Variants in CPS1 observed in about 807,000 individuals in gnomAD.
CPS1 encodes carbamoyl-phosphate synthase 1, also known as carbamoyl-phosphate synthase [ammonia], mitochondrial.
A neutral mutation model predicts 174.6 loss-of-function variants in CPS1; 109 were observed. That is an observed-to-expected ratio of 0.62 (90% CI 0.53 to 0.73). The LOEUF (loss-of-function observed/expected upper bound fraction) is 0.73. CPS1 is among the 30% of genes least tolerant of loss of function. CPS1 has a pLI of 0.00. For missense variants in CPS1, 1,689 were observed against 1,821.9 expected, an observed-to-expected ratio of 0.93 and a Z score of 1.33; for synonymous variants, 637 against 632.0, an observed-to-expected ratio of 1.01 and a Z score of -0.12.
At chr2:210,596,114 A>AT (rs1215175749) in intron 13 of CPS1, among the ~76,000 whole-genome samples, 1 of 151,932 alleles carries the variant, frequency 6.6e-6, no homozygotes, top group East Asian at 1.9e-4. Flanking sequence ...ACGGGATGAT[A>AT]TGGCAACATT....
intron 1 of CPS1, among the ~76,000 whole-genome samples, chr2:210,501,791 G>A (rs1187097170): frequency 6.6e-6 from 1 of 152,072 alleles, no homozygotes; most frequent in African/African-American, 2.4e-5. Flanking sequence ...CCTCCAAACT[G>A]TTCCAACCTC....
At chr2:210,575,117 G>A (rs1208333135) in intron 2 of CPS1, among the ~76,000 whole-genome samples, 2 of 152,046 alleles carry the variant, frequency 1.3e-5, no homozygotes. Context: ...TGGAAGCTGC[G>A]GAAAAACACC....
chr2:210,591,759 T>C (rs1415070909), intron 9 of CPS1, 72 bp from the exon 10 acceptor site: 57 of 1,532,798 alleles, frequency 3.7e-5, no homozygotes, highest in Non-Finnish European at 4.8e-5. Context: ...GTTCACTACT[T>C]TATAAGGAAT....
At chr2:210,595,363 A>T in intron 12 of CPS1, 124 bp from the exon 13 acceptor site, 1 of 726,316 alleles carries the variant, frequency 1.4e-6, no homozygotes. Flanking sequence ...CATATTTTTC[A>T]TTACATTAGA....
intron 1 of CPS1, among the ~76,000 whole-genome samples, chr2:210,533,796 G>T (rs548718641): frequency 5.3e-5 from 8 of 152,270 alleles, no homozygotes; most frequent in African/African-American, 1.7e-4. Flanking sequence ...GAACCTGAGG[G>T]ATCATGCACC....
chr2:210,600,592 T>C lies in CPS1; in HGVS notation c.1587T>C (p.Tyr529=), dbSNP rs369658447. ...TCAAGAGAGGTGTGCTCAAGGAATA[T>C]GGTGTGAAAGTCCTGGGAACTTCAG... ...ELFKRGVLKE[Y]GVKVLGTSVE... is the part of the protein sequence containing the mutation. The change falls in exon 15 of 38, where the codon TAT becomes TAC. Residue 529 remains tyrosine, a synonymous_variant. Transcript: ENST00000233072. 1.9e-6 allele frequency: 3 copies of C among 1,612,170 alleles called. No individual in the cohort carries two copies. Among genetic ancestry groups the C allele is most frequent in the African/African-American group, 2.7e-5 (2 of 74,766 alleles).
intron 21 of CPS1, among the ~76,000 whole-genome samples, chr2:210,623,775 C>T (rs1426712723): frequency 6.6e-6 from 1 of 152,122 alleles, no homozygotes; most frequent in Non-Finnish European, 1.5e-5. Context: ...CTTTGAATGT[C>T]CTCTCCTACA....
At chr2:210,546,063 A>G (rs1291593426) in intron 1 of CPS1, among the ~76,000 whole-genome samples, 2 of 152,098 alleles carry the variant, frequency 1.3e-5, no homozygotes, top group Non-Finnish European at 2.9e-5. Context: ...TCTTGAGAGT[A>G]GAAAATACAC....
chr2:210,667,849 A>G (rs979927308), intron 33 of CPS1, among the ~76,000 whole-genome samples: 2 of 152,220 alleles, frequency 1.3e-5, no homozygotes, highest in Non-Finnish European at 2.9e-5. Context: ...AGAAGCTGTG[A>G]TTTGTATCCA....
At chr2:210,664,243 C>A (rs1434106017) in intron 33 of CPS1, among the ~76,000 whole-genome samples, 1 of 152,106 alleles carries the variant, frequency 6.6e-6, no homozygotes, top group African/African-American at 2.4e-5. Flanking sequence ...CTTCTTGATC[C>A]CATGGTCGCT....
chr2:210,555,769 A>C (rs1201878721), upstream of CPS1: 4 of 425,428 alleles, frequency 9.4e-6, no homozygotes, highest in Non-Finnish European at 1.9e-5. Context: ...TCTGCCAGCC[A>C]GTGAGGCCCC....
chr2:210,536,258 C>T (rs1384613232), intron 1 of CPS1, among the ~76,000 whole-genome samples: 1 of 151,390 alleles, frequency 6.6e-6, no homozygotes, highest in Admixed American at 6.6e-5. Flanking sequence ...TACTAATAAC[C>T]TCAATTTTTT....
intron 6 of CPS1, among the ~76,000 whole-genome samples, chr2:210,586,816 C>T (rs936744345): frequency 3.9e-5 from 6 of 152,004 alleles, no homozygotes; most frequent in South Asian, 4.1e-4. Flanking sequence ...TGATAAAATG[C>T]GTATTTGTAT....
intron 27 of CPS1, among the ~76,000 whole-genome samples, chr2:210,648,822 G>A (rs1700467452): frequency 6.6e-6 from 1 of 152,114 alleles, no homozygotes; most frequent in Non-Finnish European, 1.5e-5. Flanking sequence ...TAAAGAACAG[G>A]ACAATTTAAA....
intron 32 of CPS1, among the ~76,000 whole-genome samples, chr2:210,661,896 A>T (rs1700933991): frequency 6.7e-6 from 1 of 148,528 alleles, no homozygotes; most frequent in African/African-American, 2.5e-5. Context: ...ATTGATGGAT[A>T]GATATGCTTT....
intron 34 of CPS1, among the ~76,000 whole-genome samples, chr2:210,671,155 G>C (rs1701287857): frequency 6.6e-6 from 1 of 152,160 alleles, no homozygotes; most frequent in Non-Finnish European, 1.5e-5. Context: ...CTCTAGAGTA[G>C]ATCAAGAGCA....
intron 21 of CPS1, among the ~76,000 whole-genome samples, chr2:210,634,702 C>T (rs1699987300): frequency 6.6e-6 from 1 of 152,134 alleles, no homozygotes; most frequent in African/African-American, 2.4e-5. Flanking sequence ...ATACTCTGAC[C>T]TCCTAAATGT....
chr2:210,484,293 G>T (rs1188160876), intron 1 of CPS1, among the ~76,000 whole-genome samples: 1 of 152,130 alleles, frequency 6.6e-6, no homozygotes, highest in Non-Finnish European at 1.5e-5. Flanking sequence ...TCACATAAAT[G>T]CCAGGAGCCC....
At chr2:210,532,573 G>GT (rs1187844623) in intron 1 of CPS1, among the ~76,000 whole-genome samples, 5 of 151,802 alleles carry the variant, frequency 3.3e-5, no homozygotes, top group Non-Finnish European at 7.4e-5. Context: ...TTTAATTAAA[G>GT]TTTTTTTAGG....
Sources: gnomAD v4.1 joint callset for allele counts (sites outside exome capture counted in the v4.1 genomes callset) on GRCh38, gnomAD v4.1.1 for gene constraint, MANE v1.5 for transcripts, NCBI Gene and HGNC (gene_info 2026-07-23, HGNC 2026-07-21) for gene names.